TIAM2: variants seen among roughly 807,000 people sequenced by gnomAD.
TIAM2 encodes TIAM Rac1 associated GEF 2, also known as rho guanine nucleotide exchange factor TIAM2.
In TIAM2, 80 loss-of-function variants were observed where a neutral mutation model predicts 152.9. That is an observed-to-expected ratio of 0.52 (90% CI 0.44 to 0.63). TIAM2 has a LOEUF of 0.63. TIAM2 is among the 30% of genes least tolerant of loss of function. The pLI is 0.00. For synonymous variants in TIAM2, 804 were observed against 838.0 expected, an observed-to-expected ratio of 0.96 and a Z score of 0.70; for missense variants, 1,965 against 2,120.1, an observed-to-expected ratio of 0.93 and a Z score of 1.44.
chr6:155,110,466 T>G (rs1484410873), intron 2 of TIAM2, among the ~76,000 whole-genome samples: 1 of 152,130 alleles, frequency 6.6e-6, no homozygotes, highest in Non-Finnish European at 1.5e-5. Context: ...CTAGTCAAAT[T>G]CAAAGCTGTA....
rs1290092941 is a variant in TIAM2 at position 155,257,491 on chromosome 6, C to CTGTT, written c.*375_*378dup. The CTGTT allele has an allele frequency of 1.2e-4, 40 of 333,904 alleles. No individual in the cohort carries two copies. The highest frequency in any genetic ancestry group is 5.8e-4 in the East Asian group (8 of 13,804). 20.7% of individuals were successfully genotyped at this position (333,904 alleles called of 1,614,324 possible). On this transcript the variant is annotated 3_prime_UTR_variant, in exon 27 of 27. Coordinates refer to ENST00000682666, the MANE Select transcript of TIAM2 (RefSeq NM_012454.4). ...AAATCCTCTGGGCATTTTCTTTCAG[C>CTGTT]TGTTTGTTAGTTTTTGCTTTATTTA...
chr6:155,234,825 G>A (rs544025866), intron 15 of TIAM2, among the ~76,000 whole-genome samples: 1 of 152,364 alleles, frequency 6.6e-6, no homozygotes, highest in African/African-American at 2.4e-5. Context: ...CCAGAGGCAG[G>A]TGGCTGCATC....
chr6:155,000,635 A>G lies in TIAM2; in HGVS notation c.-209+5143A>G, dbSNP rs147347128. Among the ~76,000 whole-genome samples the G allele has an allele frequency of 5.7e-3, 873 of 152,256 alleles. 6 individuals are homozygous for G. The highest frequency in any genetic ancestry group is 0.019 in the African/African-American group (804 of 41,554). On this transcript the variant is annotated intron_variant, in intron 1 of 26. Transcript: ENST00000682666. ...AGAACAGTAAGTGACATTAAGTGAC[A>G]CAAAAGCAAATTCCTTAAGTTTTAG...
At position 155,244,035 on chromosome 6, in the gene TIAM2, T is replaced by C. The variant is rs776939643; in HGVS notation, c.3373T>C (p.Tyr1125His). 2.5e-6 allele frequency: 4 copies of C among 1,614,130 alleles called. No homozygotes were observed. The highest frequency in any genetic ancestry group is 2.5e-6 in the Non-Finnish European group (3 of 1,180,022). The change falls in exon 17 of 27, where the codon TAC (tyrosine) becomes CAC (histidine). Residue 1125 changes from tyrosine to histidine, a missense_variant. By Grantham distance (83) the Tyr-to-His change is moderately conservative. Transcript: ENST00000682666. ...GGATTTGAGCTGCCTCTTTGAATTA[T>C]ACTTGGAGCCACTTCAGAATGAGAC... is the stretch of plus-strand genomic sequence containing the variant. ...VKDLSCLFELYLEPLQNETFL... is the reference protein window; with the variant it reads ...VKDLSCLFELHLEPLQNETFL...
chr6:155,196,306 G>A (rs1380035987), intron 14 of TIAM2, among the ~76,000 whole-genome samples: 1 of 152,174 alleles, frequency 6.6e-6, no homozygotes, highest in Non-Finnish European at 1.5e-5. Context: ...GGAACGATGA[G>A]GAATTGGTTT....
At chr6:155,024,652 T>TAA (rs58181899) in intron 1 of TIAM2, among the ~76,000 whole-genome samples, 40,866 of 146,490 alleles carry the variant, frequency 0.28, 5,998 homozygotes, top group Middle Eastern at 0.38. Flanking sequence ...TCCATGTCTT[T>TAA]AAAAAAAAAA....
In TIAM2 at chr6:155,257,205, A is replaced by G; in HGVS notation, c.*84A>G. On this transcript the variant is annotated 3_prime_UTR_variant, in exon 27 of 27. Coordinates refer to ENST00000682666, the MANE Select transcript of TIAM2 (RefSeq NM_012454.4). ...GTGGAAATTGCAAAAAAAAAAAAAA[A>G]AAAAAACTGTTCATTCCTGGGTTTT... is the stretch of plus-strand genomic sequence containing the variant. 1.4e-6 allele frequency: 2 copies of G among 1,416,280 alleles called. No homozygotes were observed. The highest frequency in any genetic ancestry group is 1.9e-6 in the Non-Finnish European group (2 of 1,042,334). The allele number at this position is 1,416,280 out of a possible 1,614,324, so 87.7% of individuals were successfully genotyped here.
chr6:155,070,347 A>T (rs375429640), intron 1 of TIAM2, among the ~76,000 whole-genome samples: 2 of 144,438 alleles, frequency 1.4e-5, no homozygotes, highest in Admixed American at 7.2e-5. Flanking sequence ...CAGCCTCCTG[A>T]GTAGATGGGA....
At chr6:155,022,791 C>T (rs1378328603) in intron 1 of TIAM2, among the ~76,000 whole-genome samples, 3 of 152,202 alleles carry the variant, frequency 2.0e-5, no homozygotes, top group Non-Finnish European at 2.9e-5. Flanking sequence ...TTAAAGCTTA[C>T]TGAAGTTACG....
At chr6:155,046,049 G>A (rs966997885) in intron 1 of TIAM2, among the ~76,000 whole-genome samples, 1 of 151,614 alleles carries the variant, frequency 6.6e-6, no homozygotes, top group Non-Finnish European at 1.5e-5. Context: ...CCCACTGCCT[G>A]CTCCCACACC....
At chr6:155,029,941 C>T (rs977569531) in intron 1 of TIAM2, among the ~76,000 whole-genome samples, 12 of 151,684 alleles carry the variant, frequency 7.9e-5, no homozygotes, top group African/African-American at 2.9e-4. Flanking sequence ...CACAGGCATG[C>T]GCCACTATGC....
chr6:155,161,215 C>T (rs538113606), intron 7 of TIAM2, among the ~76,000 whole-genome samples: 11 of 117,802 alleles, frequency 9.3e-5, no homozygotes, highest in African/African-American at 3.1e-4. Flanking sequence ...TATCGGGTCT[C>T]ACTCTGATAA....
At chr6:155,067,096 A>T (rs1318724523) in intron 1 of TIAM2, among the ~76,000 whole-genome samples, 1 of 152,186 alleles carries the variant, frequency 6.6e-6, no homozygotes, top group Admixed American at 6.5e-5. Flanking sequence ...GCAGGGTTAC[A>T]TTAAAGACCT....
At chr6:155,237,747 A>G (rs1782840864) in intron 15 of TIAM2, among the ~76,000 whole-genome samples, 1 of 152,318 alleles carries the variant, frequency 6.6e-6, no homozygotes, top group Admixed American at 6.5e-5. Context: ...CCTTTCAGCC[A>G]TGGTTGGAGT....
intron 26 of TIAM2, chr6:155,255,966 C>T (rs1043290118): frequency 8.1e-5 from 15 of 184,198 alleles, no homozygotes; most frequent in Non-Finnish European, 1.6e-4. Flanking sequence ...GCAGAGATCA[C>T]ACCACTGCAC....
intron 1 of TIAM2, among the ~76,000 whole-genome samples, chr6:155,032,449 T>C (rs9480021): frequency 0.21 from 31,477 of 152,134 alleles, 3,474 homozygotes; most frequent in Middle Eastern, 0.28. Context: ...GAGGCATCTG[T>C]CAAAAGAATG....
intron 1 of TIAM2, 114 bp from the exon 2 acceptor site, chr6:155,090,175 C>G (rs541445507): frequency 6.6e-6 from 1 of 152,316 alleles, no homozygotes; most frequent in Admixed American, 6.5e-5. Context: ...ATTCTTCCTT[C>G]TTGTATCAAG....
rs1459043828 is a variant in TIAM2, at chr6:155,176,826, T to G, written c.2372T>G (p.Leu791Arg). 6.2e-7 allele frequency: 1 copy of G among 1,608,398 alleles called. No homozygotes were observed. Among genetic ancestry groups the G allele is most frequent in the Admixed American group, 1.7e-5 (1 of 58,096 alleles). Residue 791 changes from leucine to arginine, a missense_variant, in exon 10 of 27, where the codon CTT becomes CGT. Coordinates refer to ENST00000682666, the MANE Select transcript of TIAM2 (RefSeq NM_012454.4). ...GGCATCTACAAACAGGTCGATGAAC[T>G]TCTGCATATATATGGTTCAACAGTA... ...KRPSITQVDE[L>R]LHIYGSTVDG...
intron 15 of TIAM2, among the ~76,000 whole-genome samples, chr6:155,234,092 TAAAGA>T (rs762811936): frequency 1.3e-5 from 2 of 152,272 alleles, no homozygotes; most frequent in East Asian, 3.9e-4. Flanking sequence ...TATGACTTCT[TAAAGA>T]AAATATTGGT....
Sources: allele counts gnomAD v4.1 joint callset (sites outside exome capture counted in the v4.1 genomes callset), GRCh38; gene constraint gnomAD v4.1.1; transcripts MANE v1.5; gene names NCBI Gene and HGNC (gene_info 2026-07-23, HGNC 2026-07-21).